Variants in PCCA observed in about 807,000 individuals in gnomAD.
PCCA encodes propionyl-CoA carboxylase subunit alpha.
Under a neutral mutation model 101.3 loss-of-function variants are expected in PCCA, and 74 were observed. The observed-to-expected ratio is 0.73, with a 90% CI of 0.61 to 0.89. The LOEUF (loss-of-function observed/expected upper bound fraction) is 0.89, where lower values mean the gene tolerates loss of function less well. Ranked by LOEUF, PCCA falls within the 40% of genes least tolerant of loss-of-function variation. The probability of loss-of-function intolerance (pLI) is 0.00; values close to 1 mark genes in which losing one functional copy is unlikely to be tolerated. For synonymous variants in PCCA, 294 were observed against 313.6 expected (o/e 0.94, Z 0.66); for missense variants, 891 against 907.0 (o/e 0.98, Z 0.23).
In PCCA at chr13:100,301,613, A is replaced by G. The variant is rs764226410; in HGVS notation, c.1209+10A>G. On this transcript the variant is annotated intron_variant, in intron 13 of 23. Coordinates refer to ENST00000376285, the MANE Select transcript of PCCA (RefSeq NM_000282.4). ...TCGGGTTTATGCTGAGGTAAAATGA[A>G]TGGTGTTGGGAGGAAGGATGGTGGT... 7 of 1,614,038 alleles carry G rather than the reference A, an allele frequency of 4.3e-6. No homozygotes were observed. Among genetic ancestry groups the G allele is most frequent in the Non-Finnish European group, 5.9e-6 (7 of 1,179,896 alleles).
chr13:100,464,323 C>T (rs767731241), intron 21 of PCCA: 6 of 152,132 alleles, frequency 3.9e-5, no homozygotes, highest in Non-Finnish European at 5.9e-5. Flanking sequence ...GGTTGCCTAA[C>T]CTCCCTGGTC....
chr13:100,505,395 C>A (rs1221862139), intron 21 of PCCA, among the ~76,000 whole-genome samples: 1 of 152,228 alleles, frequency 6.6e-6, no homozygotes, highest in Non-Finnish European at 1.5e-5. Flanking sequence ...TCCCTCGCTG[C>A]ATGCCTGGGA....
intron 19 of PCCA, among the ~76,000 whole-genome samples, chr13:100,382,802 C>T (rs967038528): frequency 2.0e-5 from 3 of 152,000 alleles, no homozygotes; most frequent in Admixed American, 2.0e-4. Flanking sequence ...TGGAGATATC[C>T]ATGTAAACAA....
chr13:100,243,743 A>T (rs1305749032), intron 8 of PCCA, among the ~76,000 whole-genome samples: 2 of 152,054 alleles, frequency 1.3e-5, no homozygotes, highest in African/African-American at 4.8e-5. Context: ...GACTTATTTT[A>T]CTATTAGTCT....
chr13:100,232,381 T>TGTGTGTGTGTGG (rs1295260297), intron 7 of PCCA, among the ~76,000 whole-genome samples: 5 of 150,264 alleles, frequency 3.3e-5, no homozygotes, highest in African/African-American at 1.2e-4. Flanking sequence ...TGTGTGTGTG[T>TGTGTGTGTGTGG]GTGTGTGTGT....
intron 6 of PCCA, among the ~76,000 whole-genome samples, chr13:100,174,331 G>A (rs1353082297): frequency 2.6e-5 from 4 of 151,342 alleles, no homozygotes; most frequent in African/African-American, 4.9e-5. Context: ...ACCATTGTAT[G>A]GAAAACTTAA....
At chr13:100,338,858 T>C (rs1416441688) in intron 17 of PCCA, among the ~76,000 whole-genome samples, 3 of 151,838 alleles carry the variant, frequency 2.0e-5, no homozygotes, top group Non-Finnish European at 4.4e-5. Flanking sequence ...AAAATTGTGC[T>C]GTAGATATTG....
chr13:100,514,338 G>A (rs562161402), intron 21 of PCCA, among the ~76,000 whole-genome samples: 19 of 152,216 alleles, frequency 1.2e-4, no homozygotes, highest in African/African-American at 3.6e-4. Flanking sequence ...AGAGATTCCC[G>A]CCGTCCCCAT....
At chr13:100,300,104 T>G (rs775000900) in intron 12 of PCCA, among the ~76,000 whole-genome samples, 4 of 152,270 alleles carry the variant, frequency 2.6e-5, no homozygotes, top group Non-Finnish European at 5.9e-5. Flanking sequence ...AGTTACTTTC[T>G]TATTGTATTT....
At chr13:100,190,783 G>A (rs555864783) in intron 6 of PCCA, among the ~76,000 whole-genome samples, 1 of 151,902 alleles carries the variant, frequency 6.6e-6, no homozygotes, top group African/African-American at 2.4e-5. Flanking sequence ...ACAAAATAAG[G>A]AGACCCCATC....
At chr13:100,527,643 T>C in intron 22 of PCCA, 32 bp from the exon 23 acceptor site, 2 of 1,517,640 alleles carry the variant, frequency 1.3e-6, no homozygotes, top group South Asian at 1.1e-5. Flanking sequence ...ATTAGAATGC[T>C]TTTAAAACTT....
At chr13:100,445,707 G>A (rs1201859705) in intron 20 of PCCA, among the ~76,000 whole-genome samples, 1 of 152,112 alleles carries the variant, frequency 6.6e-6, no homozygotes, top group Non-Finnish European at 1.5e-5. Flanking sequence ...TTAATGTAAT[G>A]TCTTCCGGGT....
In PCCA at chr13:100,102,842, A is replaced by T. The variant is rs373673401; in HGVS notation, c.106-41A>T. ...ATCCTGAAAAAATGTTCTAAAGCCC[A>T]TCAAGTATTTGCAATTTATTTTGCT... On this transcript the variant is annotated intron_variant, in intron 1 of 23. Transcript: ENST00000376285. 6 of 1,331,546 alleles carry T rather than the reference A, an allele frequency of 4.5e-6. No homozygotes were observed. In the African/African-American group the frequency reaches 8.6e-5, roughly 19 times the overall value. The allele number at this position is 1,331,546 out of a possible 1,614,324, so 82.5% of individuals were successfully genotyped here.
chr13:100,336,304 A>G (rs1208156564), intron 17 of PCCA, among the ~76,000 whole-genome samples: 1 of 151,958 alleles, frequency 6.6e-6, no homozygotes, highest in Non-Finnish European at 1.5e-5. Context: ...AAAACAGAAA[A>G]CACTACATGT....
chr13:100,512,820 C>T (rs144569727), intron 21 of PCCA, among the ~76,000 whole-genome samples: 11 of 152,338 alleles, frequency 7.2e-5, no homozygotes, highest in South Asian at 2.1e-4. Flanking sequence ...AAGGGAGTTT[C>T]GCACAACCCT....
Position 100,271,257 on chromosome 13 carries a change from A to G in PCCA, c.915-1939A>G, listed in dbSNP as rs180907769. 5.9e-5 allele frequency among the ~76,000 whole-genome samples: 9 copies of G among 152,238 alleles called. No homozygotes were observed. In the East Asian group the frequency reaches 1.2e-3, roughly 20 times the overall value. On this transcript the variant is annotated intron_variant, in intron 11 of 23. Transcript: ENST00000376285. ...GTCAGCCAGTTATTGTTGAAATGTCATCTATGTCTATACATTAGGTTAATG... is the reference window on the plus strand; with the variant it reads ...GTCAGCCAGTTATTGTTGAAATGTCGTCTATGTCTATACATTAGGTTAATG...
chr13:100,298,665 TC>T (rs2065810604), intron 12 of PCCA, among the ~76,000 whole-genome samples: 1 of 8,742 alleles, frequency 1.1e-4, no homozygotes, highest in African/African-American at 3.5e-4. Context: ...CCTCCCTCCC[TC>T]CCTCCCTCCT....
intron 19 of PCCA, among the ~76,000 whole-genome samples, chr13:100,404,475 G>A (rs1035701487): frequency 1.3e-5 from 2 of 151,738 alleles, no homozygotes; most frequent in Non-Finnish European, 2.9e-5. Context: ...AAAAGAAGGC[G>A]TTTTTTTTCA....
At chr13:100,230,044 G>A (rs572546799) in intron 7 of PCCA, among the ~76,000 whole-genome samples, 2 of 152,342 alleles carry the variant, frequency 1.3e-5, no homozygotes, top group East Asian at 3.9e-4. Flanking sequence ...GGAAGCTGAT[G>A]CGGATAGTTG....
Sources: gnomAD v4.1 joint callset for allele counts (sites outside exome capture counted in the v4.1 genomes callset) on GRCh38, gnomAD v4.1.1 for gene constraint, MANE v1.5 for transcripts, NCBI Gene and HGNC (gene_info 2026-07-23, HGNC 2026-07-21) for gene names.